TUSC3: variants seen among roughly 807,000 people sequenced by gnomAD.
TUSC3 encodes tumor suppressor candidate 3.
In TUSC3, 45 loss-of-function variants were observed where a neutral mutation model predicts 44.8. The observed-to-expected ratio is 1.00, with a 90% CI of 0.79 to 1.29. The LOEUF (loss-of-function observed/expected upper bound fraction) is 1.29, where lower values mean the gene tolerates loss of function less well. TUSC3 is among the 50% of genes most tolerant of loss of function. The pLI, the probability that TUSC3 is intolerant of heterozygous loss-of-function variation, is 0.00. For synonymous variants in TUSC3, 212 were observed against 152.9 expected (o/e 1.39, Z -2.85); for missense variants, 519 against 437.9 (o/e 1.19, Z -1.65).
chr8:15,639,782 G>GTGTT (rs1554465882), intron 2 of TUSC3, among the ~76,000 whole-genome samples: 3 of 140,848 alleles, frequency 2.1e-5, no homozygotes, highest in East Asian at 2.1e-4. Context: ...CATAAGAGTC[G>GTGTT]TTTTTTTTTT....
At chr8:15,498,260 A>C (rs1800910668) in intron 2 of TUSC3, among the ~76,000 whole-genome samples, 1 of 152,206 alleles carries the variant, frequency 6.6e-6, no homozygotes, top group South Asian at 2.1e-4. Flanking sequence ...ATAAGAACAC[A>C]GATTGAGTAG....
chr8:15,593,170 C>G (rs1585134154), intron 1 of TUSC3, among the ~76,000 whole-genome samples: 1 of 152,158 alleles, frequency 6.6e-6, no homozygotes. Flanking sequence ...ACTGCAGCCT[C>G]CGCCTTCTGG....
intron 1 of TUSC3, among the ~76,000 whole-genome samples, chr8:15,615,614 G>T (rs772911875): frequency 6.6e-6 from 1 of 152,064 alleles, no homozygotes; most frequent in East Asian, 1.9e-4. Context: ...TAGAAGAGAG[G>T]ATTTCAGATG....
chr8:15,497,203 G>A (rs1392050001), intron 2 of TUSC3, among the ~76,000 whole-genome samples: 1 of 152,176 alleles, frequency 6.6e-6, no homozygotes, highest in Non-Finnish European at 1.5e-5. Context: ...TTTGAGCAGG[G>A]ACTTGGTAGA....
intron 2 of TUSC3, among the ~76,000 whole-genome samples, chr8:15,518,249 G>A (rs1159607934): frequency 6.6e-6 from 1 of 151,946 alleles, no homozygotes; most frequent in Non-Finnish European, 1.5e-5. Flanking sequence ...CTTTTCTCAT[G>A]TAAAATACCG....
At chr8:15,583,745 T>C (rs1803477438) in intron 1 of TUSC3, among the ~76,000 whole-genome samples, 2 of 152,190 alleles carry the variant, frequency 1.3e-5, no homozygotes, top group Admixed American at 6.5e-5. Context: ...TTTAATTAAA[T>C]TTAATTAAAA....
At chr8:15,730,409 A>G (rs185508383) in intron 6 of TUSC3, among the ~76,000 whole-genome samples, 8 of 152,142 alleles carry the variant, frequency 5.3e-5, no homozygotes, top group African/African-American at 1.9e-4. Context: ...TTTGTGATAA[A>G]TCCTTTAACA....
chr8:15,586,648 A>G lies in TUSC3; in HGVS notation c.139-36432A>G, dbSNP rs540217114. 3.9e-5 allele frequency among the ~76,000 whole-genome samples: 6 copies of G among 152,296 alleles called. No individual in the cohort carries two copies. The East Asian group carries it at 1.2e-3, about 29-fold the overall frequency. On this transcript the variant is annotated intron_variant, in intron 1 of 10. Coordinates refer to ENST00000503731, the MANE Select transcript of TUSC3 (RefSeq NM_006765.4). ...GTGAGAAACTGAGGAGATTAATGCA[A>G]CATGGTTTTAATTTTCTCTATGAAG...
chr8:15,698,178 AATAG>A (rs1321887090), intron 6 of TUSC3, among the ~76,000 whole-genome samples: 1 of 152,182 alleles, frequency 6.6e-6, no homozygotes, highest in Non-Finnish European at 1.5e-5. Flanking sequence ...TGAATTTTAT[AATAG>A]ATGTCTAGCA....
chr8:15,527,512 C>T (rs764491383), intron 2 of TUSC3, among the ~76,000 whole-genome samples: 7 of 151,996 alleles, frequency 4.6e-5, no homozygotes, highest in Admixed American at 6.6e-5. Context: ...TCACTGTGCC[C>T]GGCCTTGAAT....
the TUSC3 span, chr8:15,807,337 A>G: frequency 2.4e-6 from 1 of 411,880 alleles, no homozygotes; most frequent in Non-Finnish European, 4.4e-6. Flanking sequence ...AACAAAACCA[A>G]AACAAGTCAA....
At chr8:15,614,701 A>G (rs1223066065) in intron 1 of TUSC3, among the ~76,000 whole-genome samples, 1 of 152,122 alleles carries the variant, frequency 6.6e-6, no homozygotes, top group African/African-American at 2.4e-5. Context: ...GTTGATGAAA[A>G]TTTAAGTTTT....
At position 15,662,204 on chromosome 8, in the gene TUSC3, C is replaced by T. The variant is rs769827452; in HGVS notation, c.616C>T (p.Leu206=). ...CTACTCTGGTACCATTGCTTTGGCC[C>T]TGTTAGTGTCGCTTGTTGGAGGTTT... ...PNYSGTIALA[L]LVSLVGGLLY... Residue 206 remains leucine, a synonymous_variant, in exon 5 of 11, where the codon CTG becomes TTG. Coordinates refer to ENST00000503731, the MANE Select transcript of TUSC3 (RefSeq NM_006765.4). The T allele has an allele frequency of 6.2e-7, 1 of 1,612,990 alleles. No homozygotes were observed. The highest frequency in any genetic ancestry group is 1.3e-5 in the African/African-American group (1 of 74,800).
rs192646360 is a variant in TUSC3 at position 15,554,258 on chromosome 8, C to G, written c.138+13690C>G. ...TGCAGACCTAGCAGGTAGGATTTAA[C>G]TTTCCTAATATTTTGAACTCAGCAT... On this transcript the variant is annotated intron_variant, in intron 1 of 10. Transcript: ENST00000503731. 1.6e-3 allele frequency among the ~76,000 whole-genome samples: 241 copies of G among 151,910 alleles called. 5 individuals are homozygous for G. Among genetic ancestry groups the G allele is most frequent in the African/African-American group, 5.7e-3 (235 of 41,538 alleles).
chr8:15,792,852 C>T, the TUSC3 span, among the ~76,000 whole-genome samples: 39 of 152,208 alleles, frequency 2.6e-4, no homozygotes, highest in Non-Finnish European at 3.8e-4. Context: ...CTCCTAGTCT[C>T]AAGTTACCCA....
At chr8:15,828,035 C>A in the TUSC3 span, among the ~76,000 whole-genome samples, 1 of 140,170 alleles carries the variant, frequency 7.1e-6, no homozygotes. Context: ...ACACTTGTTG[C>A]CCAGGCTGGA....
intron 1 of TUSC3, among the ~76,000 whole-genome samples, chr8:15,455,505 A>G (rs918735240): frequency 6.6e-6 from 1 of 152,154 alleles, no homozygotes. Context: ...ATAGACATGT[A>G]TATATGTGTA....
Position 15,742,006 on chromosome 8 carries a change from G to C in TUSC3, c.863-1532G>C, listed in dbSNP as rs546871559. On this transcript the variant is annotated intron_variant, in intron 7 of 10. Coordinates refer to ENST00000503731, the MANE Select transcript of TUSC3 (RefSeq NM_006765.4). ...CCCATGTCTGTGGATTCGGGGTAAT[G>C]TATACAAGTAGATGGTCCAAAACAC... Among the ~76,000 whole-genome samples the C allele has an allele frequency of 2.0e-5, 3 of 152,254 alleles. 1 individual carries two copies. In the South Asian group the frequency reaches 6.2e-4, roughly 32 times the overall value.
At chr8:15,577,976 C>G (rs1176981972) in intron 1 of TUSC3, among the ~76,000 whole-genome samples, 1 of 149,536 alleles carries the variant, frequency 6.7e-6, no homozygotes, top group Non-Finnish European at 1.5e-5. Flanking sequence ...TGTTTGTATC[C>G]TCTTTTATTT....
Sources: allele counts gnomAD v4.1 joint callset (sites outside exome capture counted in the v4.1 genomes callset), GRCh38; gene constraint gnomAD v4.1.1; transcripts MANE v1.5; gene names NCBI Gene and HGNC (gene_info 2026-07-23, HGNC 2026-07-21).